The following SKI variants were observed in gnomAD, a reference collection of about 807,000 sequenced individuals.
SKI encodes the protein SKI proto-oncogene, also known as ski oncogene.
A neutral mutation model predicts 59.3 loss-of-function variants in SKI; 23 were observed. That is an observed-to-expected ratio of 0.39 (90% CI 0.28 to 0.55). The LOEUF (loss-of-function observed/expected upper bound fraction) is 0.55, where lower values mean the gene tolerates loss of function less well. Ranked by LOEUF, SKI falls within the 20% of genes least tolerant of loss-of-function variation. SKI has a pLI of 0.67. For synonymous variants in SKI, 673 were observed against 488.6 expected (o/e 1.38, Z -4.98); for missense variants, 1,017 against 1,038.9 (o/e 0.98, Z 0.29).
At chr1:2,234,038 C>A (rs544374770) in intron 1 of SKI, among the ~76,000 whole-genome samples, 1 of 152,336 alleles carries the variant, frequency 6.6e-6, no homozygotes, top group East Asian at 1.9e-4. Flanking sequence ...TCCCTGTAGT[C>A]TTGGGCCATG....
In SKI at chr1:2,303,235, G is replaced by A. The variant is rs373562451; in HGVS notation, c.1096-50G>A. ...CCCGGCGCAGCCTCAGGGACATGAA[G>A]TGGCTTGTTTTTCTCCTGGTCACTC... On this transcript the variant is annotated intron_variant, in intron 2 of 6. Coordinates refer to ENST00000378536, the MANE Select transcript of SKI (RefSeq NM_003036.4). The surrounding 1 kb of genome is among the most constrained non-coding windows in gnomAD (Gnocchi z 5.6). The A allele has an allele frequency of 1.6e-5, 26 of 1,605,818 alleles. No homozygotes were observed. Among genetic ancestry groups the A allele is most frequent in the African/African-American group, 2.7e-5 (2 of 74,916 alleles).
intron 1 of SKI, among the ~76,000 whole-genome samples, chr1:2,273,413 G>A (rs972065472): frequency 4.6e-5 from 7 of 152,218 alleles, no homozygotes; most frequent in African/African-American, 1.7e-4. Flanking sequence ...AGTCCTGGGA[G>A]CCACAGGGCT....
intron 1 of SKI, chr1:2,240,577 A>G (rs1416273323): frequency 1.0e-5 from 10 of 985,362 alleles, no homozygotes; most frequent in East Asian, 2.3e-4. Context: ...GGCTCCCAGA[A>G]GAAGAAATCA....
At chr1:2,293,927 G>A (rs779573346) in intron 1 of SKI, among the ~76,000 whole-genome samples, 2 of 152,252 alleles carry the variant, frequency 1.3e-5, no homozygotes, top group Admixed American at 1.3e-4. Context: ...CACCATGGGG[G>A]TCCAGGCAGC....
At chr1:2,298,156 C>A (rs2643889) in intron 1 of SKI, among the ~76,000 whole-genome samples, 3 of 152,174 alleles carry the variant, frequency 2.0e-5, no homozygotes, top group African/African-American at 7.2e-5. Flanking sequence ...ACATGTGAAG[C>A]CGGCGTCACA....
At chr1:2,233,264 ATCCTGTTCTGAGGGGGCCAGGG>A (rs1638682207) in intron 1 of SKI, among the ~76,000 whole-genome samples, 1 of 110,690 alleles carries the variant, frequency 9.0e-6, no homozygotes, top group Non-Finnish European at 1.8e-5. Flanking sequence ...GAGGTCCGGG[ATCCTGTTCTGAGGGGGCCAGGG>A]TCCTGTTCTG....
chr1:2,306,483 C>T (rs1393874975), intron 6 of SKI, 94 bp from the exon 7 acceptor site: 15 of 1,319,470 alleles, frequency 1.1e-5, no homozygotes, highest in Non-Finnish European at 1.6e-5. Flanking sequence ...TGGGGAGGGA[C>T]AGGGAGCGGC....
At chr1:2,259,304 C>T (rs778080658) in intron 1 of SKI, among the ~76,000 whole-genome samples, 39 of 152,158 alleles carry the variant, frequency 2.6e-4, no homozygotes, top group Non-Finnish European at 4.7e-4. Flanking sequence ...TGGTCCCTTA[C>T]GGAAAACACT....
intron 1 of SKI, among the ~76,000 whole-genome samples, chr1:2,291,906 TG>T (rs1458871329): frequency 6.6e-6 from 1 of 152,232 alleles, no homozygotes; most frequent in Non-Finnish European, 1.5e-5. Flanking sequence ...TTTTGGGGCT[TG>T]GGGTTGTCTT....
At chr1:2,251,134 C>T (rs1212081735) in intron 1 of SKI, among the ~76,000 whole-genome samples, 1 of 152,186 alleles carries the variant, frequency 6.6e-6, no homozygotes, top group Non-Finnish European at 1.5e-5. Context: ...GCTGGAGTCT[C>T]GCCTTTCTCC....
intron 1 of SKI, among the ~76,000 whole-genome samples, chr1:2,298,903 C>A (rs537210067): frequency 6.6e-6 from 1 of 152,374 alleles, no homozygotes; most frequent in East Asian, 1.9e-4. Flanking sequence ...TCACTCCCGC[C>A]TCCCCGGAGT....
rs992350301 is a variant in SKI, at chr1:2,307,525, CACTG to C, written c.*763_*766del. 2 of 152,458 alleles carry C rather than the reference CACTG, an allele frequency of 1.3e-5. No individual in the cohort carries two copies. Among genetic ancestry groups the C allele is most frequent in the African/African-American group, 4.8e-5 (2 of 41,470 alleles). The allele number at this position is 152,458 out of a possible 1,614,324, so 9.4% of individuals were successfully genotyped here. A position where few individuals can be genotyped will look rare whatever the true frequency, so the allele number is the denominator to read the frequency against. ...CTGCCCACGCTCCTCCACCACGAGG[CACTG>C]ACCTGCGTCGGGTGGTGACCGTGGC... On this transcript the variant is annotated 3_prime_UTR_variant, in exon 7 of 7. Coordinates refer to ENST00000378536, the MANE Select transcript of SKI (RefSeq NM_003036.4).
chr1:2,236,302 A>AACTC (rs1445736769), intron 1 of SKI, among the ~76,000 whole-genome samples: 1 of 152,158 alleles, frequency 6.6e-6, no homozygotes, highest in African/African-American at 2.4e-5. Flanking sequence ...CAGATTCAAT[A>AACTC]ACTCACTGAA....
At position 2,306,954 on chromosome 1, in the gene SKI, C is replaced by G. The variant is rs1640605889; in HGVS notation, c.*189C>G. The G allele has an allele frequency of 2.8e-6, 1 of 361,064 alleles. No homozygotes were observed. Among genetic ancestry groups the G allele is most frequent in the Non-Finnish European group, 4.8e-6 (1 of 207,796 alleles). The allele number at this position is 361,064 out of a possible 1,614,324, so 22.4% of individuals were successfully genotyped here. On this transcript the variant is annotated 3_prime_UTR_variant, in exon 7 of 7. Transcript: ENST00000378536. ...TGCAAAATTTTCTACTGGCCAAGTT[C>G]AAGTGAGTAAGCCGCGTCCCCCAAC...
rs1429898612 is a variant in SKI, at chr1:2,268,672, C to G, written c.970-34306C>G. ...TTTCAGCTTTGACGGAGAAATGAGGCTTGGAGTCTTTTTCTGGCCTGTGAG... is the reference window on the plus strand; with the variant it reads ...TTTCAGCTTTGACGGAGAAATGAGGGTTGGAGTCTTTTTCTGGCCTGTGAG... On this transcript the variant is annotated intron_variant, in intron 1 of 6. Transcript: ENST00000378536. The surrounding 1 kb of genome is among the most constrained non-coding windows in gnomAD (Gnocchi z 5.0). 6.6e-6 allele frequency among the ~76,000 whole-genome samples: 1 copy of G among 152,182 alleles called. No individual in the cohort carries two copies. Among genetic ancestry groups the G allele is most frequent in the Non-Finnish European group, 1.5e-5 (1 of 68,026 alleles).
At chr1:2,280,625 C>CGGT (rs1639856663) in intron 1 of SKI, among the ~76,000 whole-genome samples, 1 of 143,888 alleles carries the variant, frequency 6.9e-6, no homozygotes, top group Non-Finnish European at 1.5e-5. Context: ...AGAAGACAGG[C>CGGT]GGCGGCGGCG....
At chr1:2,273,569 G>A (rs2100858518) in intron 1 of SKI, among the ~76,000 whole-genome samples, 1 of 152,290 alleles carries the variant, frequency 6.6e-6, no homozygotes, top group African/African-American at 2.4e-5. Flanking sequence ...GCCTGGGGCG[G>A]TCCTCCCCAG....
intron 1 of SKI, among the ~76,000 whole-genome samples, chr1:2,261,467 T>C (rs1440341756): frequency 6.6e-6 from 1 of 152,280 alleles, no homozygotes; most frequent in East Asian, 1.9e-4. Flanking sequence ...CACAGGTTTT[T>C]ACCATCTTTT....
chr1:2,266,015 G>A (rs765819826), intron 1 of SKI, among the ~76,000 whole-genome samples: 3 of 152,090 alleles, frequency 2.0e-5, no homozygotes, highest in Admixed American at 6.6e-5. Context: ...TGTCTAGACT[G>A]CGTTCAGTTA....
Sources: gnomAD v4.1 joint callset for allele counts (sites outside exome capture counted in the v4.1 genomes callset) on GRCh38, gnomAD v4.1.1 for gene constraint, Gnocchi (gnomAD v3.1) non-coding constraint, MANE v1.5 for transcripts, NCBI Gene and HGNC (gene_info 2026-07-23, HGNC 2026-07-21) for gene names.